The following RANBP17 variants were observed in gnomAD, a reference collection of about 807,000 sequenced individuals.
RANBP17 encodes ran-binding protein 17.
Under a neutral mutation model 141.2 loss-of-function variants are expected in RANBP17, and 158 were observed. The ratio of observed to expected loss-of-function variants is 1.12; its 90% CI spans 0.98 to 1.28. The LOEUF is 1.28. RANBP17 is among the 50% of genes most tolerant of loss of function. The pLI, the probability that RANBP17 is intolerant of heterozygous loss-of-function variation, is 0.00. For missense variants in RANBP17, 1,438 were observed against 1,290.7 expected, an observed-to-expected ratio of 1.11 and a Z score of -1.75; for synonymous variants, 430 against 450.0, an observed-to-expected ratio of 0.96 and a Z score of 0.56.
chr5:171,035,185 C>A (rs1246404102), intron 14 of RANBP17, among the ~76,000 whole-genome samples: 1 of 152,012 alleles, frequency 6.6e-6, no homozygotes, highest in African/African-American at 2.4e-5. Flanking sequence ...AAGTGCAGGA[C>A]AAGCCAAGAT....
chr5:171,006,083 A>C (rs1417705043), intron 14 of RANBP17, among the ~76,000 whole-genome samples: 3 of 152,148 alleles, frequency 2.0e-5, no homozygotes, highest in African/African-American at 7.2e-5. Context: ...AATCATTAAA[A>C]AGTCAGGAAA....
chr5:171,083,669 TC>T (rs1785407136), intron 14 of RANBP17, among the ~76,000 whole-genome samples: 1 of 152,198 alleles, frequency 6.6e-6, no homozygotes, highest in Non-Finnish European at 1.5e-5. Flanking sequence ...TGTGGCTGTG[TC>T]CCCATCCAAA....
Position 171,037,023 on chromosome 5 carries a change from C to T in RANBP17, c.1710+68646C>T, listed in dbSNP as rs556652508. Among the ~76,000 whole-genome samples the T allele has an allele frequency of 3.7e-3, 567 of 152,202 alleles. 6 individuals carry two copies. Among genetic ancestry groups the T allele is most frequent in the South Asian group, 0.027 (132 of 4,824 alleles). On this transcript the variant is annotated intron_variant, in intron 14 of 27. Coordinates refer to ENST00000523189, the MANE Select transcript of RANBP17 (RefSeq NM_022897.5). ...CTTTGAGAAATCCCAAGGTACTTTC[C>T]ACAGTAGCTGAATTAATACATGTTC... is the stretch of plus-strand genomic sequence containing the variant.
chr5:171,265,845 C>G lies in RANBP17; in HGVS notation c.2941C>G (p.Gln981Glu). 2 of 1,612,034 alleles carry G rather than the reference C, an allele frequency of 1.2e-6. No homozygotes were observed. The highest frequency in any genetic ancestry group is 1.7e-6 in the Non-Finnish European group (2 of 1,179,114). ...GCAGCAAAACCCAGATGTCCTGCAG[C>G]AGGTAACTGGTGGTTGATCACCTGG... ...FMQQNPDVLQ[Q>E]MMSVLMNTIV... Residue 981 changes from glutamine to glutamate, a missense_variant and splice_region_variant, in exon 25 of 28, where the codon CAG becomes GAG. Physicochemically the swap from Gln to Glu is conservative, Grantham distance 29 (BLOSUM62 2). Transcript: ENST00000523189.
chr5:170,981,050 G>T (rs1041266495), intron 14 of RANBP17, among the ~76,000 whole-genome samples: 2 of 152,224 alleles, frequency 1.3e-5, no homozygotes, highest in Non-Finnish European at 2.9e-5. Context: ...TCATTTTGGA[G>T]CTTTAAGATT....
chr5:170,904,533 T>C (rs573072783), intron 5 of RANBP17: 1 of 152,372 alleles, frequency 6.6e-6, no homozygotes, highest in African/African-American at 2.4e-5. Context: ...AGTATTTCTT[T>C]GAGATTCAGA....
chr5:170,988,458 T>G (rs1778301252), intron 14 of RANBP17, among the ~76,000 whole-genome samples: 1 of 151,522 alleles, frequency 6.6e-6, no homozygotes, highest in Admixed American at 6.6e-5. Flanking sequence ...ACCAAGTAGA[T>G]GTACTTTGAA....
intron 9 of RANBP17, among the ~76,000 whole-genome samples, chr5:170,916,902 G>A (rs1384625645): frequency 6.6e-6 from 1 of 151,978 alleles, no homozygotes. Context: ...TTTTAGTGGA[G>A]ATGGGGTTTC....
In RANBP17 at chr5:171,053,640, A is replaced by G. The variant is rs896462985; in HGVS notation, c.1710+85263A>G. 4.6e-5 allele frequency among the ~76,000 whole-genome samples: 7 copies of G among 151,872 alleles called. 1 individual carries two copies. Among genetic ancestry groups the G allele is most frequent in the African/African-American group, 9.6e-5 (4 of 41,468 alleles). ...TTTTGTAGACTTTTGTAGATTTTCT[A>G]TATATAGAATTATGTCATCTGTAAA... On this transcript the variant is annotated intron_variant, in intron 14 of 27. Transcript: ENST00000523189.
intron 24 of RANBP17, among the ~76,000 whole-genome samples, chr5:171,260,693 A>G (rs564915138): frequency 2.6e-5 from 4 of 152,236 alleles, no homozygotes; most frequent in Non-Finnish European, 5.9e-5. Context: ...ACTTATAACA[A>G]AACTTCACAT....
chr5:170,957,385 A>G (rs181501960), intron 13 of RANBP17, among the ~76,000 whole-genome samples: 242 of 152,210 alleles, frequency 1.6e-3, no homozygotes, highest in Middle Eastern at 3.4e-3. Context: ...AGAGAAAACA[A>G]ATACAGTCAA....
chr5:171,038,629 C>T (rs1008498518), intron 14 of RANBP17, among the ~76,000 whole-genome samples: 1 of 151,868 alleles, frequency 6.6e-6, no homozygotes, highest in Non-Finnish European at 1.5e-5. Context: ...CCTTTGATGC[C>T]TAGTTTATTG....
intron 14 of RANBP17, among the ~76,000 whole-genome samples, chr5:171,009,156 T>C (rs1779859832): frequency 6.6e-6 from 1 of 152,216 alleles, no homozygotes; most frequent in African/African-American, 2.4e-5. Context: ...TCATTTTGGC[T>C]TTGAAATCTG....
intron 14 of RANBP17, among the ~76,000 whole-genome samples, chr5:171,053,142 C>T (rs565696751): frequency 1.3e-5 from 2 of 152,122 alleles, no homozygotes; most frequent in South Asian, 4.2e-4. Context: ...TTAGTTAAGC[C>T]TTCTTTAATT....
intron 24 of RANBP17, among the ~76,000 whole-genome samples, chr5:171,248,290 C>G (rs1765344018): frequency 6.6e-6 from 1 of 151,680 alleles, no homozygotes; most frequent in African/African-American, 2.4e-5. Context: ...TGGCATGAAC[C>G]CGGGAGGTGG....
intron 14 of RANBP17, among the ~76,000 whole-genome samples, chr5:171,006,721 TGTACTC>T (rs1779644695): frequency 6.7e-6 from 1 of 148,314 alleles, no homozygotes; most frequent in African/African-American, 2.5e-5. Context: ...ATTGTGCACA[TGTACTC>T]TAAAACTTAA....
intron 14 of RANBP17, among the ~76,000 whole-genome samples, chr5:171,057,174 T>C (rs1465593354): frequency 6.6e-6 from 1 of 152,164 alleles, no homozygotes; most frequent in Non-Finnish European, 1.5e-5. Context: ...TATTCTAATG[T>C]TCAATTTATG....
intron 14 of RANBP17, among the ~76,000 whole-genome samples, chr5:171,093,925 C>T (rs560195998): frequency 6.6e-6 from 1 of 151,774 alleles, no homozygotes; most frequent in African/African-American, 2.4e-5. Flanking sequence ...GTGCCTGGCT[C>T]CTGGTAAGTT....
chr5:171,189,003 A>G (rs1761454267), intron 18 of RANBP17, among the ~76,000 whole-genome samples: 1 of 152,238 alleles, frequency 6.6e-6, no homozygotes, highest in Admixed American at 6.5e-5. Context: ...CCAGGATTCT[A>G]TTCCTTTGAA....
Sources: gnomAD v4.1 joint callset for allele counts (sites outside exome capture counted in the v4.1 genomes callset) on GRCh38, gnomAD v4.1.1 for gene constraint, MANE v1.5 for transcripts, NCBI Gene and HGNC (gene_info 2026-07-23, HGNC 2026-07-21) for gene names.